Variants in CCDC150 observed in about 807,000 individuals in gnomAD.
The protein encoded by CCDC150 is coiled-coil domain-containing protein 150.
A neutral mutation model predicts 156.5 loss-of-function variants in CCDC150; 151 were observed. That is an observed-to-expected ratio of 0.97 (90% confidence interval 0.85 to 1.10). The LOEUF is 1.10. Ranked by LOEUF, CCDC150 falls within the 50% of genes least tolerant of loss-of-function variation. The probability of loss-of-function intolerance (pLI) is 0.00; values close to 1 mark genes in which losing one functional copy is unlikely to be tolerated. For synonymous variants in CCDC150, 452 were observed against 429.4 expected (o/e 1.05, Z -0.65); for missense variants, 1,312 against 1,268.1 (o/e 1.03, Z -0.53).
chr2:196,684,320 T>C (rs1277538166), intron 13 of CCDC150, among the ~76,000 whole-genome samples: 2 of 152,152 alleles, frequency 1.3e-5, no homozygotes, highest in Non-Finnish European at 2.9e-5. Context: ...ATTGGTTGTT[T>C]AGAAGTGACA....
intron 15 of CCDC150, among the ~76,000 whole-genome samples, chr2:196,707,667 A>G (rs932779634): frequency 1.3e-5 from 2 of 152,152 alleles, no homozygotes; most frequent in Non-Finnish European, 2.9e-5. Flanking sequence ...ATTTCCCTCT[A>G]CACACTGCTT....
At chr2:196,731,082 G>A (rs1698492926) in intron 26 of CCDC150, 137 bp downstream of exon 26, 5 of 602,584 alleles carry the variant, frequency 8.3e-6, no homozygotes, top group Non-Finnish European at 1.5e-5. Flanking sequence ...AACTTCCTAA[G>A]TGTAGTCTCT....
chr2:196,718,930 T>A (rs1030173379), intron 18 of CCDC150, among the ~76,000 whole-genome samples: 5 of 149,548 alleles, frequency 3.3e-5, no homozygotes, highest in Non-Finnish European at 7.5e-5. Context: ...ACCTTTATAG[T>A]TATGTTTTAT....
intron 17 of CCDC150, among the ~76,000 whole-genome samples, chr2:196,717,585 G>T (rs2125700850): frequency 6.6e-6 from 1 of 152,236 alleles, no homozygotes; most frequent in African/African-American, 2.4e-5. Context: ...GATATGAGAT[G>T]TCAGCAAAAG....
chr2:196,664,500 A>T (rs1164946547), intron 5 of CCDC150, among the ~76,000 whole-genome samples: 1 of 152,244 alleles, frequency 6.6e-6, no homozygotes, highest in Non-Finnish European at 1.5e-5. Context: ...GCATGTGGGA[A>T]GGGACGCAGG....
chr2:196,639,785 C>T lies in CCDC150; in HGVS notation c.12+7C>T, dbSNP rs1175970910. ...CGGACAGATGGACTGTAAGGTGAGG[C>T]TGCCGGGCCCCGGGCTGGTGAGGGG... On this transcript the variant is annotated splice_region_variant and intron_variant, in intron 1 of 27. Coordinates refer to ENST00000389175, the MANE Select transcript of CCDC150 (RefSeq NM_001080539.2). The T allele has an allele frequency of 6.3e-7, 1 of 1,577,828 alleles. No homozygotes were observed. The highest frequency in any genetic ancestry group is 1.2e-5 in the South Asian group (1 of 85,810).
chr2:196,646,567 C>A, intron 2 of CCDC150, 63 bp downstream of exon 2: 1 of 1,291,798 alleles, frequency 7.7e-7, no homozygotes, highest in Non-Finnish European at 1.1e-6. Context: ...TATTAAGTCA[C>A]AGTAGTTTGG....
At chr2:196,668,732 G>A (rs1451905224) in intron 7 of CCDC150, among the ~76,000 whole-genome samples, 1 of 152,124 alleles carries the variant, frequency 6.6e-6, no homozygotes, top group Non-Finnish European at 1.5e-5. Flanking sequence ...CAGATTTATA[G>A]TACTTAAGAT....
intron 1 of CCDC150, among the ~76,000 whole-genome samples, chr2:196,643,475 T>C (rs1692358390): frequency 6.6e-6 from 1 of 152,230 alleles, no homozygotes; most frequent in African/African-American, 2.4e-5. Context: ...CATGGCTGAA[T>C]GTACACATGT....
chr2:196,689,656 G>A (rs957569312), intron 13 of CCDC150, among the ~76,000 whole-genome samples: 6 of 151,396 alleles, frequency 4.0e-5, no homozygotes, highest in African/African-American at 1.2e-4. Context: ...CTGAGACAAC[G>A]GGGTTTTCTA....
chr2:196,679,598 G>T (rs967296451), intron 13 of CCDC150, among the ~76,000 whole-genome samples: 3 of 152,136 alleles, frequency 2.0e-5, no homozygotes, highest in Non-Finnish European at 4.4e-5. Context: ...TAAATATTCA[G>T]ATATGCACAT....
intron 1 of CCDC150, among the ~76,000 whole-genome samples, chr2:196,644,904 C>T (rs1692440134): frequency 6.7e-6 from 1 of 150,190 alleles, no homozygotes; most frequent in Non-Finnish European, 1.5e-5. Context: ...CACTTGAGGT[C>T]AGGAGTTTGA....
intron 5 of CCDC150, among the ~76,000 whole-genome samples, chr2:196,664,889 T>C (rs765280297): frequency 1.3e-5 from 2 of 152,200 alleles, no homozygotes; most frequent in Non-Finnish European, 2.9e-5. Flanking sequence ...ATATTTCTTA[T>C]TATATCACAA....
At chr2:196,710,174 G>T (rs888029419) in intron 15 of CCDC150, among the ~76,000 whole-genome samples, 2 of 152,218 alleles carry the variant, frequency 1.3e-5, no homozygotes, top group African/African-American at 2.4e-5. Context: ...TGCCCAGTTC[G>T]AGCTTCCCTG....
chr2:196,731,358 A>G (rs1478050529), intron 26 of CCDC150, among the ~76,000 whole-genome samples: 1 of 150,240 alleles, frequency 6.7e-6, no homozygotes, highest in African/African-American at 2.4e-5. Flanking sequence ...TTCTAAACTT[A>G]AATTAGCCTT....
At chr2:196,666,948 G>A (rs1160102249) in intron 7 of CCDC150, 100 bp downstream of exon 7, 7 of 1,286,826 alleles carry the variant, frequency 5.4e-6, no homozygotes, top group Non-Finnish European at 7.9e-6. Context: ...CAGTGTTATT[G>A]GTATTTCCCA....
chr2:196,705,766 A>G (rs1401803311), intron 15 of CCDC150, among the ~76,000 whole-genome samples: 1 of 152,370 alleles, frequency 6.6e-6, no homozygotes, highest in East Asian at 1.9e-4. Flanking sequence ...AGCTTTCTAC[A>G]TATGGCTAGC....
At chr2:196,694,787 G>T (rs556280268) in intron 13 of CCDC150, among the ~76,000 whole-genome samples, 1 of 152,106 alleles carries the variant, frequency 6.6e-6, no homozygotes. Flanking sequence ...GCTTGAACCC[G>T]GGAGGCAGAG....
intron 15 of CCDC150, among the ~76,000 whole-genome samples, chr2:196,705,332 GT>G (rs1357351427): frequency 2.0e-5 from 3 of 152,112 alleles, no homozygotes; most frequent in Non-Finnish European, 4.4e-5. Context: ...TCATGTGTCT[GT>G]TGGCTGCATA....
Sources: allele counts gnomAD v4.1 joint callset (sites outside exome capture counted in the v4.1 genomes callset), GRCh38; gene constraint gnomAD v4.1.1; transcripts MANE v1.5; gene names NCBI Gene and HGNC (gene_info 2026-07-23, HGNC 2026-07-21).